The following ANKRD30B variants were observed in gnomAD, a reference collection of about 807,000 sequenced individuals.
The protein encoded by ANKRD30B is ankyrin repeat domain-containing protein 30B.
In ANKRD30B, 144 loss-of-function variants were observed where a neutral mutation model predicts 202.2. The ratio of observed to expected loss-of-function variants is 0.71; its 90% CI spans 0.62 to 0.82. ANKRD30B has a LOEUF of 0.82. Ranked by LOEUF, ANKRD30B falls within the 40% of genes least tolerant of loss-of-function variation. The pLI, the probability that ANKRD30B is intolerant of heterozygous loss-of-function variation, is 0.00. For missense variants in ANKRD30B, 1,487 were observed against 1,669.1 expected (o/e 0.89, Z 1.90); for synonymous variants, 508 against 561.3 (o/e 0.91, Z 1.34).
intron 34 of ANKRD30B, 29 bp from the exon 35 acceptor site, chr18:14,837,182 G>A: frequency 6.9e-7 from 1 of 1,440,998 alleles, no homozygotes; most frequent in Non-Finnish European, 9.3e-7. Context: ...TTTTTTTTGT[G>A]TTTGCTTTCT....
In ANKRD30B at chr18:14,848,831, G is replaced by A. The variant is rs1555673094; in HGVS notation, c.3297G>A (p.Lys1099=). The change falls in exon 40 of 44, where the codon AAG becomes AAA. Residue 1099 remains lysine, a synonymous_variant. Transcript: ENST00000690538. ...CAAAAATGGAACAAACGAAAAATAA[G>A]TTTTGTGTACTACAAAAGGAACTGT... ...ITAKMEQTKN[K]FCVLQKELSE... is the part of the protein sequence containing the mutation. 4 of 1,588,748 alleles carry A rather than the reference G, an allele frequency of 2.5e-6. No individual in the cohort carries two copies. Among genetic ancestry groups the A allele is most frequent in the Admixed American group, 1.8e-5 (1 of 56,336 alleles).
At chr18:14,853,345 G>A (rs558677699) in intron 42 of ANKRD30B, among the ~76,000 whole-genome samples, 25 of 152,168 alleles carry the variant, frequency 1.6e-4, no homozygotes, top group Middle Eastern at 3.4e-3. Context: ...AGGTCAGGAG[G>A]GATGTGGAGA....
downstream of ANKRD30B, among the ~76,000 whole-genome samples, chr18:14,854,692 A>T (rs527813271): frequency 9.2e-5 from 14 of 152,180 alleles, no homozygotes; most frequent in Non-Finnish European, 1.6e-4. Flanking sequence ...TTGTGGAAAT[A>T]AATCCCAACT....
rs1446203252 is a variant in ANKRD30B, at chr18:14,779,990, A to G, written c.1451A>G (p.Glu484Gly). ...DQMFPSESKR[E>G]EDEEYSWDSG... is the part of the protein sequence containing the mutation. ...ATGTTCCCATCAGAATCCAAACGAG[A>G]GGAAGATGAAGAATATTCTTGGGAT... Residue 484 changes from glutamate (E) to glycine (G), a missense_variant, in exon 11 of 44, where the codon GAG (glutamate) becomes GGG (glycine). By Grantham distance (98) the Glu-to-Gly change is moderately conservative (BLOSUM62 -2). Around this residue, in one of 6 missense-constraint regions of ANKRD30B, gnomAD observed 889 missense variants for 841.4 expected, o/e 1.06. Transcript: ENST00000690538. The G allele has an allele frequency of 8.7e-6, 14 of 1,606,126 alleles. No individual in the cohort carries two copies. Among genetic ancestry groups the G allele is most frequent in the Non-Finnish European group, 1.2e-5 (14 of 1,174,402 alleles).
chr18:14,864,151 A>G, the ANKRD30B span, among the ~76,000 whole-genome samples: 2 of 152,180 alleles, frequency 1.3e-5, no homozygotes, highest in Non-Finnish European at 2.9e-5. Flanking sequence ...CCTGACCAAC[A>G]TGGAGAAACC....
intron 1 of ANKRD30B, among the ~76,000 whole-genome samples, chr18:14,750,998 G>A (rs971934752): frequency 6.6e-6 from 1 of 151,962 alleles, no homozygotes; most frequent in African/African-American, 2.4e-5. Context: ...TAATTTTTGG[G>A]AGGAGCAGCA....
chr18:14,836,576 A>G (rs188459876), intron 34 of ANKRD30B, among the ~76,000 whole-genome samples: 145 of 152,300 alleles, frequency 9.5e-4, no homozygotes, highest in African/African-American at 3.4e-3. Flanking sequence ...TCACTGGAAA[A>G]GTCACCTTTC....
chr18:14,881,596 T>C, the ANKRD30B span, among the ~76,000 whole-genome samples: 1 of 152,188 alleles, frequency 6.6e-6, no homozygotes, highest in Non-Finnish European at 1.5e-5. Flanking sequence ...GCTGGCTTCA[T>C]AGAATGAATC....
At chr18:14,922,653 TCAAA>T in the ANKRD30B span, among the ~76,000 whole-genome samples, 1 of 57,878 alleles carries the variant, frequency 1.7e-5, no homozygotes. Context: ...AGACTCCGTC[TCAAA>T]AAAAAAAAAA....
intron 36 of ANKRD30B, among the ~76,000 whole-genome samples, chr18:14,839,278 C>T (rs969489819): frequency 2.0e-5 from 3 of 152,140 alleles, no homozygotes; most frequent in African/African-American, 7.2e-5. Context: ...TTATAATTAG[C>T]ACGCGTATGG....
chr18:14,768,879 T>A (rs1916669170), intron 7 of ANKRD30B, among the ~76,000 whole-genome samples: 2 of 152,234 alleles, frequency 1.3e-5, no homozygotes, highest in Admixed American at 1.3e-4. Flanking sequence ...ATTATGACTA[T>A]TGTATACTGT....
At chr18:14,898,154 C>T in the ANKRD30B span, among the ~76,000 whole-genome samples, 2 of 151,968 alleles carry the variant, frequency 1.3e-5, no homozygotes, top group African/African-American at 4.8e-5. Context: ...TTTTCCATAC[C>T]ATTGTCTGAA....
intron 34 of ANKRD30B, among the ~76,000 whole-genome samples, chr18:14,836,837 C>A (rs1598702582): frequency 6.6e-6 from 1 of 151,802 alleles, no homozygotes; most frequent in Non-Finnish European, 1.5e-5. Flanking sequence ...CCTGACTCTG[C>A]ACGTTGTCTG....
intron 16 of ANKRD30B, among the ~76,000 whole-genome samples, chr18:14,794,206 A>T (rs1968721966): frequency 6.6e-6 from 1 of 152,020 alleles, no homozygotes. Context: ...AAAATAACGA[A>T]GGTAGTATTT....
At chr18:14,818,830 A>C (rs1445858301) in intron 30 of ANKRD30B, among the ~76,000 whole-genome samples, 1 of 151,992 alleles carries the variant, frequency 6.6e-6, no homozygotes, top group African/African-American at 2.4e-5. Context: ...ATACGTGTGC[A>C]TGTGTCGTTA....
intron 7 of ANKRD30B, among the ~76,000 whole-genome samples, chr18:14,769,133 A>G (rs1424776642): frequency 6.6e-6 from 1 of 152,164 alleles, no homozygotes; most frequent in African/African-American, 2.4e-5. Context: ...GCACGAAAAT[A>G]TGCATGATTC....
chr18:14,756,551 G>C (rs1315326493), intron 4 of ANKRD30B, among the ~76,000 whole-genome samples: 2 of 152,172 alleles, frequency 1.3e-5, no homozygotes, highest in Admixed American at 6.5e-5. Context: ...TAACATGTAA[G>C]TCTTTAATCC....
chr18:14,917,216 TC>T, the ANKRD30B span, among the ~76,000 whole-genome samples: 1 of 152,198 alleles, frequency 6.6e-6, no homozygotes, highest in African/African-American at 2.4e-5. Flanking sequence ...CTTCTATTTT[TC>T]CCTTTTCTCT....
At chr18:14,922,654 C>CAAAAAA in the ANKRD30B span, among the ~76,000 whole-genome samples, 6 of 104,662 alleles carry the variant, frequency 5.7e-5, no homozygotes, top group South Asian at 3.5e-4. Flanking sequence ...GACTCCGTCT[C>CAAAAAA]AAAAAAAAAA....
Sources: allele counts gnomAD v4.1 joint callset (sites outside exome capture counted in the v4.1 genomes callset), GRCh38; gene constraint gnomAD v4.1.1; regional missense constraint gnomAD v4.1.1; transcripts MANE v1.5; gene names NCBI Gene and HGNC (gene_info 2026-07-23, HGNC 2026-07-21).